XKR6: variants seen among roughly 807,000 people sequenced by gnomAD.
The protein encoded by XKR6 is XK related 6, also known as XK-related protein 6.
In XKR6, 22 loss-of-function variants were observed where a neutral mutation model predicts 56.7. The ratio of observed to expected loss-of-function variants is 0.39; its 90% CI spans 0.28 to 0.55. The LOEUF is 0.55. Ranked by LOEUF, XKR6 falls within the 20% of genes least tolerant of loss-of-function variation. The probability of loss-of-function intolerance (pLI) is 0.66; values close to 1 mark genes in which losing one functional copy is unlikely to be tolerated. For synonymous variants in XKR6, 524 were observed against 387.8 expected (o/e 1.35, Z -4.13); for missense variants, 852 against 889.0 (o/e 0.96, Z 0.53).
intron 1 of XKR6, chr8:11,124,939 A>G (rs79797328): frequency 6.7e-6 from 1 of 149,674 alleles, no homozygotes; most frequent in Non-Finnish European, 1.5e-5. Flanking sequence ...AAAAAAAAAA[A>G]TTAGCCGGGC....
rs373948104 is a variant in XKR6, at chr8:11,176,655, C to G, written c.764+23921G>C. ...GTACAGGGTGGGAGGCAGATGAAGT[C>G]GGCCCCAGCCACTCTGGGTGTCATG... On this transcript the variant is annotated intron_variant, in intron 1 of 2. Coordinates refer to ENST00000416569, the MANE Select transcript of XKR6 (RefSeq NM_173683.4). 8.5e-5 allele frequency among the ~76,000 whole-genome samples: 13 copies of G among 152,104 alleles called. 1 individual carries two copies. The highest frequency in any genetic ancestry group is 3.1e-4 in the African/African-American group (13 of 41,406).
At chr8:10,949,431 A>AG (rs974237295) in intron 1 of XKR6, among the ~76,000 whole-genome samples, 26 of 152,296 alleles carry the variant, frequency 1.7e-4, no homozygotes, top group African/African-American at 6.0e-4. Flanking sequence ...GATGCAGAGC[A>AG]GGGGCCAGCC....
At chr8:11,138,043 G>T (rs529005590) in intron 1 of XKR6, 1 of 233,214 alleles carries the variant, frequency 4.3e-6, no homozygotes, top group Non-Finnish European at 8.5e-6. Context: ...ATCCTCCATC[G>T]CTGTCTTCAA....
chr8:10,931,833 AAC>A (rs1491069317), intron 1 of XKR6, among the ~76,000 whole-genome samples: 138 of 133,620 alleles, frequency 1.0e-3, no homozygotes, highest in African/African-American at 2.4e-3. Context: ...CCATAAAAAA[AAC>A]AAAAAAGATA....
At chr8:11,196,389 G>C (rs762404963) in intron 1 of XKR6, among the ~76,000 whole-genome samples, 65 of 152,072 alleles carry the variant, frequency 4.3e-4, no homozygotes, top group Non-Finnish European at 1.9e-4. Flanking sequence ...CTTTCAGAAT[G>C]AGATTAATAC....
In XKR6 at chr8:10,926,212, A is replaced by G. The variant is rs1266859794; in HGVS notation, c.765-1382T>C. Among the ~76,000 whole-genome samples, 3 of 152,146 alleles carry G rather than the reference A, an allele frequency of 2.0e-5. No homozygotes were observed. The East Asian group carries it at 5.8e-4, about 29-fold the overall frequency. Reference sequence around the variant, plus strand: ...GGATGGTCTGTTCTGTCACTGCCACAACACCAGCTGGCTCCCAGCCACTGC... The same window carrying G: ...GGATGGTCTGTTCTGTCACTGCCACGACACCAGCTGGCTCCCAGCCACTGC... On this transcript the variant is annotated intron_variant, in intron 1 of 2. Coordinates refer to ENST00000416569, the MANE Select transcript of XKR6 (RefSeq NM_173683.4).
At chr8:11,015,686 C>A (rs1355655717) in intron 1 of XKR6, among the ~76,000 whole-genome samples, 10 of 152,100 alleles carry the variant, frequency 6.6e-5, no homozygotes, top group African/African-American at 2.2e-4. Context: ...ACTGGTTGAG[C>A]TCAGAACCAG....
chr8:11,074,478 TG>T (rs1451328926), intron 1 of XKR6, among the ~76,000 whole-genome samples: 2 of 152,230 alleles, frequency 1.3e-5, no homozygotes, highest in Non-Finnish European at 2.9e-5. Flanking sequence ...AATCATTTCC[TG>T]GGCACTGGCC....
chr8:11,043,582 T>C (rs1799337682), intron 1 of XKR6, among the ~76,000 whole-genome samples: 1 of 152,232 alleles, frequency 6.6e-6, no homozygotes, highest in South Asian at 2.1e-4. Flanking sequence ...GCACTTCCCC[T>C]GGGCAGAGTC....
intron 1 of XKR6, among the ~76,000 whole-genome samples, chr8:10,967,324 C>T (rs558910600): frequency 3.1e-4 from 47 of 152,272 alleles, no homozygotes; most frequent in Non-Finnish European, 5.0e-4. Flanking sequence ...ACTGTAGGGG[C>T]GTGATAAGCT....
intron 1 of XKR6, among the ~76,000 whole-genome samples, chr8:10,986,141 G>A (rs1797859169): frequency 1.3e-5 from 2 of 152,192 alleles, no homozygotes; most frequent in Non-Finnish European, 2.9e-5. Context: ...GATCACACTG[G>A]AATATGATAA....
intron 1 of XKR6, among the ~76,000 whole-genome samples, chr8:11,178,547 A>ATATATATATATATATATAT (rs1802779230): frequency 3.4e-5 from 3 of 88,498 alleles, no homozygotes; most frequent in African/African-American, 1.7e-4. Context: ...GAGAGGTAAA[A>ATATATATATATATATATAT]ATATATATAT....
chr8:11,024,247 G>C (rs1432728641), intron 1 of XKR6, among the ~76,000 whole-genome samples: 1 of 132,524 alleles, frequency 7.5e-6, no homozygotes, highest in African/African-American at 3.1e-5. Flanking sequence ...GTGTGTGTGT[G>C]TGTGTGATTC....
intron 1 of XKR6, among the ~76,000 whole-genome samples, chr8:11,085,725 G>A (rs1017510129): frequency 4.6e-5 from 7 of 152,162 alleles, no homozygotes; most frequent in African/African-American, 1.7e-4. Context: ...CTCCTCTGAA[G>A]AGTCCAATTT....
intron 1 of XKR6, among the ~76,000 whole-genome samples, chr8:10,993,337 G>A (rs1798036390): frequency 6.6e-6 from 1 of 152,238 alleles, no homozygotes; most frequent in Non-Finnish European, 1.5e-5. Context: ...ACGGGGGTGT[G>A]AGGGCAGTGG....
chr8:11,008,418 CTTTTTTTTTT>C (rs35571220), intron 1 of XKR6, among the ~76,000 whole-genome samples: 3 of 104,144 alleles, frequency 2.9e-5, no homozygotes, highest in African/African-American at 3.9e-5. Context: ...GCTCCCCAGG[CTTTTTTTTTT>C]TTTTTTTTTT....
intron 1 of XKR6, among the ~76,000 whole-genome samples, chr8:10,981,960 T>C (rs990791058): frequency 3.3e-5 from 5 of 152,260 alleles, no homozygotes; most frequent in African/African-American, 4.8e-5. Context: ...ACAATTCCAA[T>C]GGCTAGTTGC....
At chr8:11,031,458 C>T (rs1321532634) in intron 1 of XKR6, among the ~76,000 whole-genome samples, 1 of 152,146 alleles carries the variant, frequency 6.6e-6, no homozygotes, top group Non-Finnish European at 1.5e-5. Flanking sequence ...GTGTAGCCCA[C>T]GGGGGTTCCT....
intron 1 of XKR6, among the ~76,000 whole-genome samples, chr8:10,947,697 C>T (rs1428401176): frequency 2.0e-5 from 3 of 152,234 alleles, no homozygotes; most frequent in Non-Finnish European, 4.4e-5. Flanking sequence ...CCTGCATCTT[C>T]TCCCAACCTT....
Sources: allele counts gnomAD v4.1 joint callset (sites outside exome capture counted in the v4.1 genomes callset), GRCh38; gene constraint gnomAD v4.1.1; transcripts MANE v1.5; gene names NCBI Gene and HGNC (gene_info 2026-07-23, HGNC 2026-07-21).